The following PCDH15 variants were observed in gnomAD, a reference collection of about 807,000 sequenced individuals.
The protein encoded by PCDH15 is protocadherin related 15, also known as protocadherin-15.
A neutral mutation model predicts 178.5 loss-of-function variants in PCDH15; 129 were observed. That is an observed-to-expected ratio of 0.72 (90% CI 0.63 to 0.84). The LOEUF is 0.84. Among genes scored for constraint, PCDH15 ranks in the 40% least tolerant of loss-of-function variants. The pLI is 0.00. For synonymous variants in PCDH15, 800 were observed against 732.0 expected (o/e 1.09, Z -1.50); for missense variants, 2,230 against 2,099.9 (o/e 1.06, Z -1.21).
intron 2 of PCDH15, among the ~76,000 whole-genome samples, chr10:55,576,934 A>ATTG: frequency 6.6e-6 from 1 of 152,288 alleles, no homozygotes; most frequent in East Asian, 1.9e-4. Flanking sequence ...TACTACAAAA[A>ATTG]TTCAAAATTG....
intron 2 of PCDH15, among the ~76,000 whole-genome samples, chr10:54,563,348 G>A (rs938151293): frequency 6.6e-6 from 1 of 152,010 alleles, no homozygotes; most frequent in African/African-American, 2.4e-5. Flanking sequence ...TCCTCTGGTG[G>A]GTTTGTTCTT....
chr10:53,913,217 C>T (rs970037646), intron 25 of PCDH15, among the ~76,000 whole-genome samples: 1 of 152,128 alleles, frequency 6.6e-6, no homozygotes, highest in African/African-American at 2.4e-5. Context: ...ATGAATGGTG[C>T]TGGGAAAAGT....
chr10:54,292,008 G>C (rs1449796899), intron 8 of PCDH15, among the ~76,000 whole-genome samples: 1 of 152,112 alleles, frequency 6.6e-6, no homozygotes, highest in Non-Finnish European at 1.5e-5. Context: ...GCCTGGCAGA[G>C]ACACAACAAA....
chr10:54,803,251 C>T (rs905235292), upstream of PCDH15, among the ~76,000 whole-genome samples: 2 of 152,168 alleles, frequency 1.3e-5, no homozygotes, highest in African/African-American at 4.8e-5. Context: ...CTTCTATAAA[C>T]ACATATAGGT....
chr10:54,156,099 A>G (rs1306025424), intron 13 of PCDH15, among the ~76,000 whole-genome samples: 4 of 152,202 alleles, frequency 2.6e-5, no homozygotes, highest in African/African-American at 9.6e-5. Flanking sequence ...AAACAATACT[A>G]TAACTTTAAA....
chr10:53,839,001 G>A (rs865886384), intron 29 of PCDH15, among the ~76,000 whole-genome samples: 1 of 151,946 alleles, frequency 6.6e-6, no homozygotes, highest in African/African-American at 2.4e-5. Context: ...TAAGGAGATC[G>A]AGACCATCCT....
chr10:55,562,144 A>G (rs565699656), intron 2 of PCDH15, among the ~76,000 whole-genome samples: 3 of 152,066 alleles, frequency 2.0e-5, no homozygotes, highest in Admixed American at 2.0e-4. Context: ...TGATTTTGTC[A>G]GCATTTTAAG....
intron 2 of PCDH15, among the ~76,000 whole-genome samples, chr10:54,948,555 C>A (rs1047685092): frequency 4.0e-5 from 6 of 151,844 alleles, no homozygotes; most frequent in Non-Finnish European, 7.4e-5. Context: ...GGAACTCCCT[C>A]ATCAATGCAG....
rs765949328 is a variant in PCDH15 at position 54,384,325 on chromosome 10, CCT to C, written c.158-5385_158-5384del. 5.9e-3 allele frequency among the ~76,000 whole-genome samples: 234 copies of C among 39,656 alleles called. 1 individual carries two copies. Among genetic ancestry groups the C allele is most frequent in the African/African-American group, 0.015 (227 of 15,474 alleles). The allele number at this position is 39,656 out of a possible 152,430, so 26.0% of individuals were successfully genotyped here. On this transcript the variant is annotated intron_variant, in intron 3 of 37. Transcript: ENST00000644397. ...TCTCTACCAAGCTGAAGATCCCCCC[CCT>C]TTTTTTTTTTTAACTAAAACTTCAT...
intron 6 of PCDH15, among the ~76,000 whole-genome samples, chr10:54,333,353 A>T (rs1225109356): frequency 1.3e-5 from 2 of 152,130 alleles, no homozygotes; most frequent in Admixed American, 6.5e-5. Flanking sequence ...CACTGTATTA[A>T]ATTTAATTTA....
intron 2 of PCDH15, among the ~76,000 whole-genome samples, chr10:55,620,680 T>A (rs1250076433): frequency 6.6e-6 from 1 of 151,760 alleles, no homozygotes; most frequent in Non-Finnish European, 1.5e-5. Flanking sequence ...CCTAGAGACA[T>A]AAGACAATTA....
chr10:54,436,133 AAAAG>A (rs143629974), intron 3 of PCDH15, among the ~76,000 whole-genome samples: 3,188 of 150,030 alleles, frequency 0.021, 107 homozygotes, highest in African/African-American at 0.073. Flanking sequence ...GAAAGAAAGA[AAAAG>A]AAAGAAAGAA....
At chr10:53,827,061 C>T (rs1211431841) in intron 32 of PCDH15, among the ~76,000 whole-genome samples, 1 of 151,448 alleles carries the variant, frequency 6.6e-6, no homozygotes, top group African/African-American at 2.4e-5. Flanking sequence ...TATATTTATA[C>T]ATATATACAT....
At position 55,206,360 on chromosome 10, in the gene PCDH15, C is replaced by T. The variant is rs1227000578; in HGVS notation, c.-155-39709G>A. On this transcript the variant is annotated intron_variant, in intron 1 of 5. Coordinates refer to the PCDH15 transcript ENST00000458638. Reference sequence around the variant, plus strand: ...GCTTGGATGGAGTGATAAAAGATCACTACTTTTCCAAGTCTCTTTCCCATA... The same window carrying T: ...GCTTGGATGGAGTGATAAAAGATCATTACTTTTCCAAGTCTCTTTCCCATA... 3.3e-5 allele frequency among the ~76,000 whole-genome samples: 5 copies of T among 152,084 alleles called. No homozygotes were observed. In the South Asian group the frequency reaches 6.2e-4, roughly 19 times the overall value.
chr10:54,718,903 G>A lies in PCDH15; in HGVS notation c.-28-54613C>T, dbSNP rs146646772. Among the ~76,000 whole-genome samples, 644 of 151,584 alleles carry A rather than the reference G, an allele frequency of 4.2e-3. 7 individuals carry two copies. Among genetic ancestry groups the A allele is most frequent in the African/African-American group, 0.015 (622 of 41,324 alleles). On this transcript the variant is annotated intron_variant, in intron 1 of 37. Transcript: ENST00000644397. ...GTAGAGACGGGGTTTCACTATGTTG[G>A]CCAGGCTGGTCTTGAACTCCTGACG... is the stretch of plus-strand genomic sequence containing the variant.
At chr10:54,553,276 T>A (rs1319188594) in intron 2 of PCDH15, among the ~76,000 whole-genome samples, 1 of 152,174 alleles carries the variant, frequency 6.6e-6, no homozygotes, top group Admixed American at 6.5e-5. Context: ...TGTCTTAAGA[T>A]CCTTGACTTG....
chr10:54,762,449 A>T (rs1948005323), intron 1 of PCDH15, among the ~76,000 whole-genome samples: 1 of 152,164 alleles, frequency 6.6e-6, no homozygotes. Context: ...TCTTATGAAC[A>T]TAAGAGTTGA....
At position 54,369,179 on chromosome 10, in the gene PCDH15, C is replaced by T. The variant is rs1565101059; in HGVS notation, c.415G>A (p.Asp139Asn). 9 of 1,612,940 alleles carry T rather than the reference C, an allele frequency of 5.6e-6. No individual in the cohort carries two copies. Among genetic ancestry groups the T allele is most frequent in the Non-Finnish European group, 6.8e-6 (8 of 1,179,440 alleles). Residue 139 changes from aspartate (D) to asparagine (N), a missense_variant, in exon 5 of 38, where the codon GAC becomes AAC. By Grantham distance (23) the Asp-to-Asn change is conservative. Transcript: ENST00000644397. ...AAAGTGGGTGAGTTGTCATTCCTGTCTCTCACCACTATTCGCACTTCATGG... is the reference window on the plus strand; with the variant it reads ...AAAGTGGGTGAGTTGTCATTCCTGTTTCTCACCACTATTCGCACTTCATGG... ...IYHEVRIVVR[D>N]RNDNSPTFKH... is the part of the protein sequence containing the mutation.
chr10:54,606,403 AC>A (rs2092742828), intron 2 of PCDH15: 1 of 152,054 alleles, frequency 6.6e-6, no homozygotes, highest in Non-Finnish European at 1.5e-5. Flanking sequence ...GCTACTAGAA[AC>A]CCTTCATAGA....
Sources: gnomAD v4.1 joint callset for allele counts (sites outside exome capture counted in the v4.1 genomes callset) on GRCh38, gnomAD v4.1.1 for gene constraint, MANE v1.5 for transcripts, NCBI Gene and HGNC (gene_info 2026-07-23, HGNC 2026-07-21) for gene names.